Variants in CDKL3 observed in about 807,000 individuals in gnomAD.
CDKL3 encodes the protein cyclin-dependent kinase-like 3.
Under a neutral mutation model 69.3 loss-of-function variants are expected in CDKL3, and 65 were observed. The ratio of observed to expected loss-of-function variants is 0.94; its 90% CI spans 0.77 to 1.15. CDKL3 has a LOEUF of 1.15. CDKL3 is among the 50% of genes most tolerant of loss of function. CDKL3 has a pLI of 0.00. For synonymous variants in CDKL3, 202 were observed against 221.6 expected (o/e 0.91, Z 0.79); for missense variants, 652 against 689.2 (o/e 0.95, Z 0.61).
intron 6 of CDKL3, among the ~76,000 whole-genome samples, chr5:134,313,727 A>G (rs1443790740): frequency 6.6e-6 from 1 of 150,392 alleles, no homozygotes; most frequent in Non-Finnish European, 1.5e-5. Flanking sequence ...GTAAGAAGGT[A>G]GATTCCATGT....
chr5:134,313,042 T>A (rs1338897398), intron 6 of CDKL3, among the ~76,000 whole-genome samples: 1 of 152,218 alleles, frequency 6.6e-6, no homozygotes, highest in African/African-American at 2.4e-5. Flanking sequence ...ATAAAAAGCA[T>A]CTGCTTTATA....
chr5:134,285,409 G>A (rs1393844618), downstream of CDKL3, among the ~76,000 whole-genome samples: 2 of 152,236 alleles, frequency 1.3e-5, no homozygotes, highest in African/African-American at 4.8e-5. Context: ...ACACTACAGG[G>A]AAGCTGCCAA....
chr5:134,358,101 C>A (rs1025517151), intron 3 of CDKL3, among the ~76,000 whole-genome samples: 2 of 152,138 alleles, frequency 1.3e-5, no homozygotes, highest in Admixed American at 6.5e-5. Context: ...AATAAAAAAA[C>A]AACAAAATCT....
intron 8 of CDKL3, among the ~76,000 whole-genome samples, chr5:134,287,197 G>A (rs997471146): frequency 6.6e-6 from 1 of 152,070 alleles, no homozygotes; most frequent in African/African-American, 2.4e-5. Context: ...TGTGAAATGT[G>A]ACACAAAGAT....
At chr5:134,299,229 C>A (rs554102814) in intron 12 of CDKL3, among the ~76,000 whole-genome samples, 1 of 152,284 alleles carries the variant, frequency 6.6e-6, no homozygotes, top group African/African-American at 2.4e-5. Flanking sequence ...CCAGAAAGTT[C>A]AGTGTAAAGC....
At chr5:134,352,309 T>A (rs2149607788) in intron 3 of CDKL3, among the ~76,000 whole-genome samples, 1 of 152,020 alleles carries the variant, frequency 6.6e-6, no homozygotes, top group African/African-American at 2.4e-5. Flanking sequence ...TGATTTTTTT[T>A]TTTTTTTTTG....
At chr5:134,318,613 G>A (rs763433576) in intron 6 of CDKL3, among the ~76,000 whole-genome samples, 2 of 151,976 alleles carry the variant, frequency 1.3e-5, no homozygotes, top group Non-Finnish European at 2.9e-5. Context: ...AGCCTCCTGC[G>A]TAACTGGGAC....
At chr5:134,293,677 G>A (rs575041254), downstream of CDKL3, among the ~76,000 whole-genome samples, 4 of 152,168 alleles carry the variant, frequency 2.6e-5, no homozygotes, top group East Asian at 5.8e-4. Flanking sequence ...GTGTACACCT[G>A]TAGTCCTAGC....
chr5:134,346,670 A>AT (rs1042347070), intron 4 of CDKL3, among the ~76,000 whole-genome samples: 1 of 151,718 alleles, frequency 6.6e-6, no homozygotes, highest in Non-Finnish European at 1.5e-5. Context: ...CTATTTTTGT[A>AT]TTTTTAGTAG....
chr5:134,320,911 A>G (rs1772571000), intron 5 of CDKL3, among the ~76,000 whole-genome samples: 1 of 150,940 alleles, frequency 6.6e-6, no homozygotes. Flanking sequence ...TAAAAAACCC[A>G]CAAATCTTGA....
At chr5:134,344,595 G>C (rs1751347056) in intron 4 of CDKL3, among the ~76,000 whole-genome samples, 1 of 152,150 alleles carries the variant, frequency 6.6e-6, no homozygotes, top group Admixed American at 6.5e-5. Flanking sequence ...AACCCACAAT[G>C]AGATACCACT....
At chr5:134,340,729 T>C (rs1402077672) in intron 4 of CDKL3, among the ~76,000 whole-genome samples, 1 of 152,094 alleles carries the variant, frequency 6.6e-6, no homozygotes, top group Non-Finnish European at 1.5e-5. Context: ...TTTAAAAAAC[T>C]ACCCGCAAAG....
upstream of CDKL3, chr5:134,371,439 G>A: frequency 1.1e-6 from 1 of 942,006 alleles, no homozygotes; most frequent in Non-Finnish European, 1.6e-6. Flanking sequence ...GGAGGCGGCG[G>A]AGGGAGACGT....
At chr5:134,307,961 T>C in intron 9 of CDKL3, 177 bp downstream of exon 9, 2 of 981,222 alleles carry the variant, frequency 2.0e-6, no homozygotes, top group Non-Finnish European at 2.7e-6. Flanking sequence ...CCAAGAAAAG[T>C]TAATTTCTTC....
intron 2 of CDKL3, among the ~76,000 whole-genome samples, chr5:134,363,186 C>T (rs78497382): frequency 6.6e-6 from 1 of 152,142 alleles, no homozygotes; most frequent in Non-Finnish European, 1.5e-5. Flanking sequence ...ACACAATTGC[C>T]TTATCTATAG....
intron 4 of CDKL3, among the ~76,000 whole-genome samples, chr5:134,325,190 A>C (rs1410793913): frequency 6.6e-6 from 1 of 152,184 alleles, no homozygotes; most frequent in Non-Finnish European, 1.5e-5. Context: ...AAGTAAATAA[A>C]GAAGAGTGGG....
At chr5:134,363,811 G>T (rs1756661253) in intron 2 of CDKL3, among the ~76,000 whole-genome samples, 1 of 151,886 alleles carries the variant, frequency 6.6e-6, no homozygotes, top group African/African-American at 2.4e-5. Context: ...CTCAAATTAG[G>T]CCAGGCACAG....
intron 4 of CDKL3, among the ~76,000 whole-genome samples, chr5:134,342,875 T>A (rs1439927841): frequency 2.0e-5 from 3 of 152,068 alleles, no homozygotes; most frequent in African/African-American, 7.2e-5. Flanking sequence ...ACTCACACTT[T>A]CTGATTTCAA....
intron 7 of CDKL3, among the ~76,000 whole-genome samples, chr5:134,310,808 T>A (rs1344466086): frequency 6.6e-6 from 1 of 152,182 alleles, no homozygotes; most frequent in Non-Finnish European, 1.5e-5. Context: ...AAATATATCA[T>A]CTTATTGTTT....
Sources: allele counts gnomAD v4.1 joint callset (sites outside exome capture counted in the v4.1 genomes callset), GRCh38; gene constraint gnomAD v4.1.1; transcripts MANE v1.5; gene names NCBI Gene and HGNC (gene_info 2026-07-23, HGNC 2026-07-21).